The following FGF13 variants were observed in gnomAD, a reference collection of about 807,000 sequenced individuals.
FGF13 encodes the protein fibroblast growth factor 13.
Under a neutral mutation model 19.5 loss-of-function variants are expected in FGF13, and 2 were observed. The ratio of observed to expected loss-of-function variants is 0.10; its 90% confidence interval spans 0.04 to 0.32. FGF13 has a LOEUF of 0.32. FGF13 is among the 10% of genes least tolerant of loss of function. FGF13 has a pLI of 1.00. For synonymous variants in FGF13, 72 were observed against 76.9 expected (o/e 0.94, Z 0.33); for missense variants, 113 against 192.7 (o/e 0.59, Z 2.45).
At chrX:138,680,282 C>T (rs565536517) in intron 3 of FGF13, among the ~76,000 whole-genome samples, 15 of 112,236 alleles carry the variant, frequency 1.3e-4, no homozygotes, top group East Asian at 8.4e-4. Flanking sequence ...TTGACCTCCA[C>T]CTATGAATCA....
chrX:138,783,610 A>G lies in FGF13; in HGVS notation c.217+73902T>C, dbSNP rs200061727. 3.8e-4 allele frequency among the ~76,000 whole-genome samples: 38 copies of G among 98,921 alleles called. No homozygotes were observed. The East Asian group carries it at 8.2e-3, about 21-fold the overall frequency. 85.9% of individuals were successfully genotyped at this position (98,921 alleles called of 115,157 possible). A position where few individuals can be genotyped will look rare whatever the true frequency, so the allele number is the denominator to read the frequency against. On this transcript the variant is annotated intron_variant, in intron 3 of 6. Coordinates refer to the FGF13 transcript ENST00000436198. ...CAGAGAAATGCAAATCAAAACCACA[A>G]TGAGATACCATCTCACACCACTTAG...
In FGF13 at chrX:139,027,954, T is replaced by A. The variant is rs146186897; in HGVS notation, c.-112-163304A>T. On this transcript the variant is annotated intron_variant, in intron 1 of 2. Coordinates refer to the FGF13 transcript ENST00000421460. ...ATACTTATTTTTGGCAAATCATTTC[T>A]ACATGCTTTCAAAAGAATGGACAAT... Among the ~76,000 whole-genome samples, 104 of 111,780 alleles carry A rather than the reference T, an allele frequency of 9.3e-4. 2 individuals are homozygous for A. In the East Asian group the frequency reaches 0.017, roughly 18 times the overall value.
chrX:138,814,461 G>T (rs2090948349), intron 3 of FGF13, among the ~76,000 whole-genome samples: 2 of 110,392 alleles, frequency 1.8e-5, no homozygotes, highest in Admixed American at 1.9e-4. Flanking sequence ...TACATTTAAG[G>T]GATTAGTATA....
At chrX:139,041,457 C>G in intron 1 of FGF13, among the ~76,000 whole-genome samples, 1 of 111,473 alleles carries the variant, frequency 9.0e-6, no homozygotes, top group African/African-American at 3.3e-5. Context: ...ACATGGTTAT[C>G]TAGGTTAGAA....
At chrX:139,122,843 A>T (rs779614968) in intron 1 of FGF13, among the ~76,000 whole-genome samples, 176 of 111,233 alleles carry the variant, frequency 1.6e-3, no homozygotes, top group Non-Finnish European at 2.2e-3. Context: ...CTCTATCATC[A>T]AAATATGTGT....
At chrX:139,106,724 T>C (rs1315858182) in intron 1 of FGF13, among the ~76,000 whole-genome samples, 1 of 112,686 alleles carries the variant, frequency 8.9e-6, no homozygotes, top group Non-Finnish European at 1.9e-5. Context: ...CCAATGAAAA[T>C]ACTACATAAA....
In FGF13 at chrX:138,776,479, A is replaced by G. The variant is rs753295940; in HGVS notation, c.218-67551T>C. ...TCCTATGAGGATATATGCTGTTTTA[A>G]TTTCCATTTTGTGGGAAACTGAGGC... On this transcript the variant is annotated intron_variant, in intron 3 of 6. Coordinates refer to the FGF13 transcript ENST00000436198. Among the ~76,000 whole-genome samples, 146 of 112,130 alleles carry G rather than the reference A, an allele frequency of 1.3e-3. 3 individuals are homozygous for G. Among genetic ancestry groups the G allele is most frequent in the Non-Finnish European group, 3.8e-4 (20 of 53,228 alleles).
chrX:138,984,184 G>A (rs1204056033), intron 1 of FGF13, among the ~76,000 whole-genome samples: 3 of 110,983 alleles, frequency 2.7e-5, no homozygotes, highest in African/African-American at 6.6e-5. Flanking sequence ...AAGGCGGGCA[G>A]ATCACTTGAG....
intron 1 of FGF13, among the ~76,000 whole-genome samples, chrX:138,885,198 A>T (rs1166206256): frequency 9.0e-6 from 1 of 111,392 alleles, no homozygotes; most frequent in African/African-American, 3.3e-5. Context: ...GGGGAAATGA[A>T]GGAACTAAAA....
At chrX:139,011,361 C>CAAA (rs3047329) in intron 1 of FGF13, among the ~76,000 whole-genome samples, 3 of 82,921 alleles carry the variant, frequency 3.6e-5, no homozygotes, top group African/African-American at 9.0e-5. Flanking sequence ...AACAAACAAA[C>CAAA]AAAAAAAAAA....
chrX:138,687,297 AAAATAAATAAAT>A (rs749155043), intron 3 of FGF13, among the ~76,000 whole-genome samples: 1 of 111,589 alleles, frequency 9.0e-6, no homozygotes, highest in African/African-American at 3.3e-5. Flanking sequence ...CTCAATAGCA[AAAATAAATAAAT>A]AAATAAATAA....
At chrX:138,830,421 G>C (rs1179078775) in intron 3 of FGF13, among the ~76,000 whole-genome samples, 2 of 111,731 alleles carry the variant, frequency 1.8e-5, no homozygotes, top group African/African-American at 6.5e-5. Context: ...GACCATCCTT[G>C]TTATATAATT....
chrX:138,974,307 C>A (rs928787533), intron 1 of FGF13, among the ~76,000 whole-genome samples: 1 of 111,793 alleles, frequency 8.9e-6, no homozygotes, highest in Admixed American at 9.5e-5. Flanking sequence ...GTTAACAGAA[C>A]TGGGTTACCT....
chrX:138,680,548 C>T (rs1048271083), intron 3 of FGF13, among the ~76,000 whole-genome samples: 2 of 111,926 alleles, frequency 1.8e-5, no homozygotes, highest in Non-Finnish European at 3.8e-5. Flanking sequence ...GGTGCATTGT[C>T]ATCAAGCAGT....
upstream of FGF13, among the ~76,000 whole-genome samples, chrX:138,739,937 G>A (rs1299772179): frequency 8.9e-6 from 1 of 111,782 alleles, no homozygotes; most frequent in Non-Finnish European, 1.9e-5. Flanking sequence ...AAATCTATGA[G>A]CAGCCTATGA....
At chrX:138,791,358 A>G (rs1449167094) in intron 3 of FGF13, among the ~76,000 whole-genome samples, 1 of 112,301 alleles carries the variant, frequency 8.9e-6, no homozygotes, top group African/African-American at 3.2e-5. Context: ...GAATAAACGA[A>G]CACAACAATG....
intron 1 of FGF13, among the ~76,000 whole-genome samples, chrX:139,172,746 A>G (rs935962307): frequency 5.4e-5 from 6 of 111,981 alleles, no homozygotes; most frequent in African/African-American, 1.9e-4. Flanking sequence ...ACTGGCAGAT[A>G]CAGATTTTCT....
intron 1 of FGF13, among the ~76,000 whole-genome samples, chrX:138,738,355 G>T (rs1345303606): frequency 1.8e-5 from 2 of 111,952 alleles, no homozygotes; most frequent in Non-Finnish European, 3.8e-5. Context: ...AAGTGCAAAG[G>T]GTTTCAATGA....
In FGF13 at chrX:138,705,617, G is replaced by A. The variant is rs752173192; in HGVS notation, c.299-2530C>T. Among the ~76,000 whole-genome samples the A allele has an allele frequency of 5.3e-4, 59 of 111,990 alleles. 1 individual carries two copies. The highest frequency in any genetic ancestry group is 4.8e-3 in the Admixed American group (51 of 10,579). On this transcript the variant is annotated intron_variant, in intron 2 of 4. Coordinates refer to ENST00000315930, the MANE Select transcript of FGF13 (RefSeq NM_004114.5). ...AGGGATTGACTGATCATACTACTAC[G>A]ATCTTTTCATTTCTTTAAACATTCA...
Sources: gnomAD v4.1 joint callset for allele counts (sites outside exome capture counted in the v4.1 genomes callset) on GRCh38, gnomAD v4.1.1 for gene constraint, MANE v1.5 for transcripts, NCBI Gene and HGNC (gene_info 2026-07-23, HGNC 2026-07-21) for gene names.